The following CPPED1 variants were observed in gnomAD, a reference collection of about 807,000 sequenced individuals.
CPPED1 encodes the protein serine/threonine-protein phosphatase CPPED1.
Under a neutral mutation model 28.0 loss-of-function variants are expected in CPPED1, and 28 were observed. That is an observed-to-expected ratio of 1.00 (90% confidence interval 0.74 to 1.37). The LOEUF is 1.37. Among genes scored for constraint, CPPED1 ranks in the 40% most tolerant of loss-of-function variants. CPPED1 has a pLI of 0.00. For missense variants in CPPED1, 504 were observed against 416.5 expected (o/e 1.21, Z -1.83); for synonymous variants, 198 against 180.2 (o/e 1.10, Z -0.79).
intron 2 of CPPED1, among the ~76,000 whole-genome samples, chr16:12,750,643 T>C (rs372722766): frequency 1.1e-4 from 17 of 152,206 alleles, no homozygotes; most frequent in African/African-American, 3.9e-4. Context: ...ATTGCAAGAA[T>C]TACCAAGATG....
intron 3 of CPPED1, among the ~76,000 whole-genome samples, chr16:12,702,205 A>T (rs1420025526): frequency 6.6e-6 from 1 of 151,888 alleles, no homozygotes; most frequent in African/African-American, 2.4e-5. Flanking sequence ...CATGGATATG[A>T]TGCCACCCTG....
At chr16:12,732,350 G>GAA (rs34848941) in intron 2 of CPPED1, among the ~76,000 whole-genome samples, 80 of 141,282 alleles carry the variant, frequency 5.7e-4, no homozygotes, top group South Asian at 9.2e-4. Context: ...GCAAGGAAGT[G>GAA]AAAAAAAAAA....
intron 2 of CPPED1, among the ~76,000 whole-genome samples, chr16:12,754,737 A>G (rs7187244): frequency 0.76 from 116,086 of 152,138 alleles, 44,716 homozygotes; most frequent in African/African-American, 0.86. Flanking sequence ...TGTGGCTCAC[A>G]CCTGTAATCC....
chr16:12,748,131 T>C (rs1779398448), intron 2 of CPPED1, among the ~76,000 whole-genome samples: 1 of 152,204 alleles, frequency 6.6e-6, no homozygotes, highest in South Asian at 2.1e-4. Flanking sequence ...CAGAATCTCT[T>C]GCATATGGGC....
intron 3 of CPPED1, among the ~76,000 whole-genome samples, chr16:12,679,875 G>A (rs2079896316): frequency 6.6e-6 from 1 of 152,110 alleles, no homozygotes; most frequent in Non-Finnish European, 1.5e-5. Flanking sequence ...TAAAAGAAAT[G>A]CAATTATCTT....
At position 12,664,781 on chromosome 16, in the gene CPPED1, G is replaced by C; in HGVS notation, c.*105C>G. On this transcript the variant is annotated 3_prime_UTR_variant, in exon 4 of 4. Coordinates refer to ENST00000381774, the MANE Select transcript of CPPED1 (RefSeq NM_018340.3). The surrounding 1 kb of genome is among the most constrained non-coding windows in gnomAD (Gnocchi z 4.2). The stretch of plus-strand genomic sequence containing the variant: ...CAAAAGGACATAAATTCACAAACCT[G>C]CCTGGGCTATTTTTATATTTCAGCA... The C allele has an allele frequency of 6.5e-7, 1 of 1,537,466 alleles. No homozygotes were observed. Among genetic ancestry groups the C allele is most frequent in the Non-Finnish European group, 8.7e-7 (1 of 1,150,220 alleles).
chr16:12,786,563 C>G (rs1166851364), intron 1 of CPPED1, among the ~76,000 whole-genome samples: 2 of 152,176 alleles, frequency 1.3e-5, no homozygotes. Context: ...CTGTATTATT[C>G]ATTACTATCT....
At chr16:12,793,106 G>A (rs2080606392) in intron 1 of CPPED1, among the ~76,000 whole-genome samples, 1 of 152,194 alleles carries the variant, frequency 6.6e-6, no homozygotes, top group African/African-American at 2.4e-5. Flanking sequence ...GGCACTGGCT[G>A]TCAGTGGTTG....
chr16:12,681,434 A>G (rs935642008), intron 3 of CPPED1, among the ~76,000 whole-genome samples: 1 of 152,068 alleles, frequency 6.6e-6, no homozygotes, highest in African/African-American at 2.4e-5. Context: ...AGAACTGTAA[A>G]AAATCAATCT....
intron 1 of CPPED1, among the ~76,000 whole-genome samples, chr16:12,789,934 G>C (rs1258204202): frequency 6.6e-6 from 1 of 152,156 alleles, no homozygotes; most frequent in Non-Finnish European, 1.5e-5. Context: ...AGAATAACAA[G>C]ATCTGGCCAC....
At chr16:12,740,483 C>A (rs1193447470) in intron 2 of CPPED1, among the ~76,000 whole-genome samples, 1 of 151,830 alleles carries the variant, frequency 6.6e-6, no homozygotes, top group East Asian at 1.9e-4. Context: ...AAACCCGTAG[C>A]CAAAAGTATT....
chr16:12,763,983 G>C (rs2080424734), intron 2 of CPPED1, among the ~76,000 whole-genome samples: 1 of 151,186 alleles, frequency 6.6e-6, no homozygotes, highest in African/African-American at 2.4e-5. Context: ...GAAAGACCAG[G>C]ACAACAACAA....
At chr16:12,698,589 G>A (rs986667453) in intron 3 of CPPED1, among the ~76,000 whole-genome samples, 1 of 152,094 alleles carries the variant, frequency 6.6e-6, no homozygotes, top group Non-Finnish European at 1.5e-5. Context: ...CTGCCACCAT[G>A]CCCGGCTAAT....
At chr16:12,732,628 C>G (rs977933750) in intron 2 of CPPED1, among the ~76,000 whole-genome samples, 1 of 151,978 alleles carries the variant, frequency 6.6e-6, no homozygotes, top group African/African-American at 2.4e-5. Context: ...ACCCTGGATG[C>G]AAAGAGAAGA....
At chr16:12,772,290 C>T (rs936761868) in intron 2 of CPPED1, among the ~76,000 whole-genome samples, 20 of 152,226 alleles carry the variant, frequency 1.3e-4, no homozygotes, top group Non-Finnish European at 1.5e-5. Context: ...TCAGGTCTCA[C>T]TGGGGCATTT....
rs115573267 is a variant in CPPED1, at chr16:12,793,429, C to G, written c.70+10278G>C. The stretch of plus-strand genomic sequence containing the variant: ...GGCCTCTATCTCCTGAAACCCTTAA[C>G]TGAGTTCCAGTGGAGCTCAGACTGA... On this transcript the variant is annotated intron_variant, in intron 1 of 3. Transcript: ENST00000381774. Among the ~76,000 whole-genome samples the G allele has an allele frequency of 4.3e-3, 652 of 152,272 alleles. 3 individuals carry two copies. Among genetic ancestry groups the G allele is most frequent in the African/African-American group, 0.014 (581 of 41,558 alleles).
chr16:12,786,705 G>A (rs896747439), intron 1 of CPPED1, among the ~76,000 whole-genome samples: 8 of 152,134 alleles, frequency 5.3e-5, no homozygotes, highest in African/African-American at 1.9e-4. Context: ...TGGATCACGA[G>A]GTCAAAAGAT....
At chr16:12,793,891 C>T (rs965093027) in intron 1 of CPPED1, among the ~76,000 whole-genome samples, 29 of 152,166 alleles carry the variant, frequency 1.9e-4, no homozygotes, top group African/African-American at 6.3e-4. Flanking sequence ...GCTTCACAGC[C>T]GCCTGCAGGC....
rs2080495163 is a variant in CPPED1, at chr16:12,775,959, C to T, written c.289+5226G>A. On this transcript the variant is annotated intron_variant, in intron 2 of 3. Coordinates refer to ENST00000381774, the MANE Select transcript of CPPED1 (RefSeq NM_018340.3). ...CCATCTGCAGTAGGCTGAACAATGT[C>T]CCTCCAGAGATGTTCGACATCCTAA... Among the ~76,000 whole-genome samples the T allele has an allele frequency of 4.6e-5, 7 of 152,178 alleles. No homozygotes were observed. In the South Asian group the frequency reaches 1.4e-3, roughly 31 times the overall value.
Sources: gnomAD v4.1 joint callset for allele counts (sites outside exome capture counted in the v4.1 genomes callset) on GRCh38, gnomAD v4.1.1 for gene constraint, Gnocchi (gnomAD v3.1) non-coding constraint, MANE v1.5 for transcripts, NCBI Gene and HGNC (gene_info 2026-07-23, HGNC 2026-07-21) for gene names.